SPOP: variants seen among roughly 807,000 people sequenced by gnomAD.
The protein encoded by SPOP is speckle-type POZ protein.
A neutral mutation model predicts 45.6 loss-of-function variants in SPOP; 11 were observed. The ratio of observed to expected loss-of-function variants is 0.24; its 90% confidence interval spans 0.15 to 0.40. SPOP has a LOEUF of 0.40. SPOP is among the 10% of genes least tolerant of loss of function. The probability of loss-of-function intolerance (pLI) is 1.00; values close to 1 mark genes in which losing one functional copy is unlikely to be tolerated. For synonymous variants in SPOP, 166 were observed against 166.3 expected (o/e 1.00, Z 0.01); for missense variants, 152 against 465.6 (o/e 0.33, Z 6.20).
At chr17:49,640,489 T>C (rs886285890) in intron 1 of SPOP, among the ~76,000 whole-genome samples, 1 of 152,182 alleles carries the variant, frequency 6.6e-6, no homozygotes, top group Non-Finnish European at 1.5e-5. Context: ...CTAAGATCTA[T>C]ATTTCAGGGA....
At chr17:49,614,374 A>C (rs1567774983) in intron 5 of SPOP, among the ~76,000 whole-genome samples, 1 of 152,260 alleles carries the variant, frequency 6.6e-6, no homozygotes, top group Non-Finnish European at 1.5e-5. Flanking sequence ...AGCAAATCTT[A>C]GATGACTACA....
intron 8 of SPOP, among the ~76,000 whole-genome samples, chr17:49,605,994 A>G (rs910663027): frequency 2.0e-5 from 3 of 152,034 alleles, no homozygotes; most frequent in African/African-American, 7.2e-5. Flanking sequence ...CTTCTCAAAA[A>G]AAAAAAAATA....
chr17:49,676,053 T>A (rs2073194694), intron 1 of SPOP: 1 of 151,714 alleles, frequency 6.6e-6, no homozygotes, highest in Non-Finnish European at 1.5e-5. Flanking sequence ...AATCTAAGCA[T>A]CCCAATGGCC....
chr17:49,633,095 G>A (rs2072482451), intron 1 of SPOP, among the ~76,000 whole-genome samples: 1 of 152,158 alleles, frequency 6.6e-6, no homozygotes, highest in Admixed American at 6.5e-5. Flanking sequence ...AACAAGCATA[G>A]TATTATGTGT....
chr17:49,657,804 C>T (rs1282060800), intron 1 of SPOP, among the ~76,000 whole-genome samples: 12 of 150,382 alleles, frequency 8.0e-5, no homozygotes, highest in Admixed American at 1.3e-4. Context: ...CGGGTTCAAG[C>T]GATTCTCCTG....
intron 1 of SPOP, among the ~76,000 whole-genome samples, chr17:49,648,951 G>A (rs1187580976): frequency 1.3e-5 from 2 of 151,972 alleles, no homozygotes; most frequent in Admixed American, 1.3e-4. Flanking sequence ...TAGAGACGGG[G>A]TTTCACCATG....
At chr17:49,615,729 T>C (rs191889380) in intron 5 of SPOP, among the ~76,000 whole-genome samples, 109 of 152,264 alleles carry the variant, frequency 7.2e-4, no homozygotes, top group African/African-American at 1.9e-3. Context: ...TCAAGAAAAC[T>C]TGGGACCCGA....
intron 1 of SPOP, among the ~76,000 whole-genome samples, chr17:49,654,559 C>T (rs759817524): frequency 1.3e-5 from 2 of 152,024 alleles, no homozygotes; most frequent in African/African-American, 2.4e-5. Flanking sequence ...CCGAGGCCAG[C>T]GGATTGCCTG....
chr17:49,669,566 A>G (rs1455011320), intron 1 of SPOP, among the ~76,000 whole-genome samples: 1 of 149,562 alleles, frequency 6.7e-6, no homozygotes, highest in African/African-American at 2.4e-5. Flanking sequence ...GGAGATCGAG[A>G]CCATCCTGGC....
chr17:49,640,667 T>TA (rs1172865713), intron 1 of SPOP, among the ~76,000 whole-genome samples: 1 of 152,158 alleles, frequency 6.6e-6, no homozygotes, highest in Admixed American at 6.6e-5. Context: ...GAACCTCCAG[T>TA]AAAATCCCAA....
At chr17:49,656,031 C>T (rs146438004) in intron 1 of SPOP, among the ~76,000 whole-genome samples, 11,420 of 152,094 alleles carry the variant, frequency 0.075, 479 homozygotes, top group South Asian at 0.13. Flanking sequence ...AGGCTGGTCT[C>T]GAACTCCTGA....
intron 6 of SPOP, 23 bp from the exon 7 acceptor site, chr17:49,607,952 G>C: frequency 6.2e-7 from 1 of 1,610,230 alleles, no homozygotes; most frequent in South Asian, 1.1e-5. Flanking sequence ...AGAGAAACAA[G>C]CAGATAAGGC....
At position 49,602,017 on chromosome 17, in the gene SPOP, A is replaced by G. The variant is rs991559646; in HGVS notation, c.838-10T>C. 1.9e-6 allele frequency: 3 copies of G among 1,613,688 alleles called. No individual in the cohort carries two copies. Among genetic ancestry groups the G allele is most frequent in the Admixed American group, 1.7e-5 (1 of 59,972 alleles). ...AGCGCTCCAGGGCATACTGTAAAAC[A>G]CAAGCACTGCTGTCATCAGAGCAGC... On this transcript the variant is annotated splice_polypyrimidine_tract_variant and intron_variant, in intron 8 of 9. Coordinates refer to ENST00000504102, the MANE Select transcript of SPOP (RefSeq NM_001007228.2).
At chr17:49,669,634 G>A (rs2073111454) in intron 1 of SPOP, among the ~76,000 whole-genome samples, 1 of 150,632 alleles carries the variant, frequency 6.6e-6, no homozygotes, top group South Asian at 2.1e-4. Flanking sequence ...GCGTGGTGAT[G>A]TGCGCCTGTA....
rs140293727 is a variant in SPOP, at chr17:49,655,927, C to T, written c.-67+22006G>A. On this transcript the variant is annotated intron_variant, in intron 1 of 9. Coordinates refer to ENST00000504102, the MANE Select transcript of SPOP (RefSeq NM_001007228.2). Reference sequence around the variant, plus strand: ...CCGGGTTCAAGTGATTCTCCTGCCTCAGCCTCCTGAGTAGCTAGGATTACA... The same window carrying T: ...CCGGGTTCAAGTGATTCTCCTGCCTTAGCCTCCTGAGTAGCTAGGATTACA... Among the ~76,000 whole-genome samples the T allele has an allele frequency of 1.3e-3, 195 of 152,272 alleles. 1 individual carries two copies. The East Asian group carries it at 0.029, about 22-fold the overall frequency.
At chr17:49,653,861 G>T (rs551743495) in intron 1 of SPOP, among the ~76,000 whole-genome samples, 2 of 150,934 alleles carry the variant, frequency 1.3e-5, no homozygotes, top group South Asian at 4.2e-4. Flanking sequence ...TAATAGATAT[G>T]ATATGTGGTA....
At chr17:49,625,202 G>A (rs570902853) in intron 1 of SPOP, among the ~76,000 whole-genome samples, 4 of 152,104 alleles carry the variant, frequency 2.6e-5, no homozygotes, top group East Asian at 1.9e-4. Flanking sequence ...TTTTCAATGC[G>A]GCACCATTAA....
At chr17:49,677,581 AGC>A (rs750954997) in intron 1 of SPOP, among the ~76,000 whole-genome samples, 19 of 152,064 alleles carry the variant, frequency 1.2e-4, no homozygotes, top group Non-Finnish European at 2.2e-4. Context: ...CCCCCGGGGC[AGC>A]GAAGAAGCAG....
Position 49,600,005 on chromosome 17 carries a change from CTTTT to C in SPOP, c.*369_*372del. ...CTTCTGTTAAAACTCAATGTCCTTT[CTTTT>C]TTTTTTTTCCTTTTTGCTCCAGGCA... On this transcript the variant is annotated 3_prime_UTR_variant, in exon 10 of 10. Transcript: ENST00000504102. This position sits in a 1 kb window ranked among gnomAD's most constrained non-coding sequence, Gnocchi z 4.2. 1 of 217,714 alleles carries C rather than the reference CTTTT, an allele frequency of 4.6e-6. No individual in the cohort carries two copies. The highest frequency in any genetic ancestry group is 9.0e-6 in the Non-Finnish European group (1 of 111,440). The allele number at this position is 217,714 out of a possible 1,614,324, so 13.5% of individuals were successfully genotyped here.
Sources: allele counts gnomAD v4.1 joint callset (sites outside exome capture counted in the v4.1 genomes callset), GRCh38; gene constraint gnomAD v4.1.1; non-coding constraint Gnocchi (gnomAD v3.1); transcripts MANE v1.5; gene names NCBI Gene and HGNC (gene_info 2026-07-23, HGNC 2026-07-21).